Variants in SDK1 observed in about 807,000 individuals in gnomAD.
SDK1 encodes the protein protein sidekick-1.
In SDK1, 157 loss-of-function variants were observed where a neutral mutation model predicts 245.5. The ratio of observed to expected loss-of-function variants is 0.64; its 90% CI spans 0.56 to 0.73. The LOEUF (loss-of-function observed/expected upper bound fraction) is 0.73. Among genes scored for constraint, SDK1 ranks in the 30% least tolerant of loss-of-function variants. The pLI, the probability that SDK1 is intolerant of heterozygous loss-of-function variation, is 0.00. For missense variants in SDK1, 3,583 were observed against 3,002.3 expected (o/e 1.19, Z -4.52); for synonymous variants, 1,647 against 1,278.5 (o/e 1.29, Z -6.15).
At chr7:3,979,363 TG>T (rs1372965859) in intron 13 of SDK1, among the ~76,000 whole-genome samples, 1 of 152,204 alleles carries the variant, frequency 6.6e-6, no homozygotes, top group Non-Finnish European at 1.5e-5. Flanking sequence ...CCCTGCCTCC[TG>T]GGGCTGGGAA....
intron 4 of SDK1, among the ~76,000 whole-genome samples, chr7:3,783,862 T>A (rs1780822892): frequency 6.6e-6 from 1 of 151,838 alleles, no homozygotes; most frequent in Admixed American, 6.6e-5. Flanking sequence ...TTCTAAAATT[T>A]ATGTAGAAAC....
intron 5 of SDK1, among the ~76,000 whole-genome samples, chr7:3,904,687 A>T (rs1041512871): frequency 5.9e-5 from 9 of 151,756 alleles, no homozygotes; most frequent in African/African-American, 2.2e-4. Flanking sequence ...GAGTGAAACC[A>T]TGTATCTAAA....
chr7:3,558,536 G>T (rs1583164565), intron 1 of SDK1, among the ~76,000 whole-genome samples: 1 of 152,362 alleles, frequency 6.6e-6, no homozygotes, highest in South Asian at 2.1e-4. Context: ...GCAAGAGGCA[G>T]TGATTGGCCT....
intron 1 of SDK1, among the ~76,000 whole-genome samples, chr7:3,427,784 T>G (rs145651093): frequency 2.6e-3 from 396 of 152,280 alleles, no homozygotes; most frequent in Non-Finnish European, 3.4e-3. Flanking sequence ...TTTTGCTAAT[T>G]TATGTGAAGC....
At chr7:3,614,772 G>A (rs1195003866) in intron 1 of SDK1, among the ~76,000 whole-genome samples, 10 of 152,102 alleles carry the variant, frequency 6.6e-5, no homozygotes, top group Non-Finnish European at 1.5e-4. Context: ...TAATTTGAAC[G>A]CTTAAAATTC....
chr7:3,422,594 A>T (rs1373062548), intron 1 of SDK1, among the ~76,000 whole-genome samples: 1 of 152,158 alleles, frequency 6.6e-6, no homozygotes, highest in Non-Finnish European at 1.5e-5. Flanking sequence ...GAAGTTCGAG[A>T]CCAGCCTGGG....
At chr7:3,627,329 G>A (rs763672153) in intron 2 of SDK1, among the ~76,000 whole-genome samples, 6 of 152,168 alleles carry the variant, frequency 3.9e-5, no homozygotes, top group African/African-American at 4.8e-5. Flanking sequence ...TGGGGAAAGT[G>A]CCTGTTTTCA....
At chr7:3,575,569 G>A (rs1780260380) in intron 1 of SDK1, among the ~76,000 whole-genome samples, 1 of 151,980 alleles carries the variant, frequency 6.6e-6, no homozygotes, top group African/African-American at 2.4e-5. Context: ...AGTGCTTTTT[G>A]CTGGGTTTTG....
intron 4 of SDK1, among the ~76,000 whole-genome samples, chr7:3,762,852 C>A (rs1780146132): frequency 6.6e-6 from 1 of 152,172 alleles, no homozygotes; most frequent in African/African-American, 2.4e-5. Flanking sequence ...GTTATAAAAT[C>A]ACACATTTAA....
At chr7:4,065,713 T>TG (rs1562755589) in intron 19 of SDK1, among the ~76,000 whole-genome samples, 1 of 142,818 alleles carries the variant, frequency 7.0e-6, no homozygotes, top group Non-Finnish European at 1.5e-5. Flanking sequence ...TTTTTTTTTT[T>TG]TTTTTTTTTT....
intron 4 of SDK1, among the ~76,000 whole-genome samples, chr7:3,721,024 A>G (rs1158162892): frequency 6.6e-6 from 1 of 152,200 alleles, no homozygotes; most frequent in East Asian, 1.9e-4. Flanking sequence ...GTCCATTTAG[A>G]TTCCATTTAT....
chr7:3,622,240 G>A (rs1032517083), intron 2 of SDK1, among the ~76,000 whole-genome samples: 4 of 152,202 alleles, frequency 2.6e-5, no homozygotes, highest in Non-Finnish European at 5.9e-5. Flanking sequence ...CACTTTGGGA[G>A]GGTGAGGCAG....
At chr7:3,568,213 A>G (rs1471140553) in intron 1 of SDK1, among the ~76,000 whole-genome samples, 1 of 152,244 alleles carries the variant, frequency 6.6e-6, no homozygotes, top group African/African-American at 2.4e-5. Context: ...TATGTAGTTT[A>G]ATATGCATTT....
intron 1 of SDK1, among the ~76,000 whole-genome samples, chr7:3,571,730 A>G (rs186952300): frequency 5.9e-5 from 9 of 152,264 alleles, no homozygotes; most frequent in Non-Finnish European, 7.4e-5. Context: ...GAGGAGCTCA[A>G]TGAATATAAC....
intron 44 of SDK1, among the ~76,000 whole-genome samples, chr7:4,257,550 A>G (rs1787708403): frequency 6.6e-6 from 1 of 152,242 alleles, no homozygotes; most frequent in South Asian, 2.1e-4. Context: ...AGGCAATGAC[A>G]GGGGCTGAGC....
At chr7:3,718,018 A>G (rs1785252502) in intron 4 of SDK1, among the ~76,000 whole-genome samples, 1 of 152,162 alleles carries the variant, frequency 6.6e-6, no homozygotes, top group South Asian at 2.1e-4. Flanking sequence ...AAAATTCTCA[A>G]CACAGTAATG....
intron 1 of SDK1, among the ~76,000 whole-genome samples, chr7:3,349,284 AGAG>A (rs1358977223): frequency 2.6e-5 from 4 of 151,426 alleles, no homozygotes; most frequent in Non-Finnish European, 5.9e-5. Context: ...TTTTGTGGGA[AGAG>A]CAGGGTCTCA....
chr7:4,175,674 A>G, intron 33 of SDK1, 101 bp from the exon 34 acceptor site: 3 of 972,886 alleles, frequency 3.1e-6, no homozygotes, highest in Non-Finnish European at 5.0e-6. Context: ...AGTGGCTGGC[A>G]TCCCAGTAAG....
chr7:4,163,647 T>A (rs1781310581), intron 32 of SDK1, among the ~76,000 whole-genome samples: 1 of 152,234 alleles, frequency 6.6e-6, no homozygotes, highest in Admixed American at 6.5e-5. Context: ...GTGCCAGAGA[T>A]GCCTGCTGGG....
Sources: gnomAD v4.1 joint callset for allele counts (sites outside exome capture counted in the v4.1 genomes callset) on GRCh38, gnomAD v4.1.1 for gene constraint, MANE v1.5 for transcripts, NCBI Gene and HGNC (gene_info 2026-07-23, HGNC 2026-07-21) for gene names.